The following CDH23 variants were observed in gnomAD, a reference collection of about 807,000 sequenced individuals.
CDH23 encodes the protein cadherin-23.
In CDH23, 189 loss-of-function variants were observed where a neutral mutation model predicts 317.1. That is an observed-to-expected ratio of 0.60 (90% CI 0.53 to 0.67). CDH23 has a LOEUF of 0.67. Ranked by LOEUF, CDH23 falls within the 30% of genes least tolerant of loss-of-function variation. The pLI, the probability that CDH23 is intolerant of heterozygous loss-of-function variation, is 0.00. For missense variants in CDH23, 4,401 were observed against 4,592.4 expected, an observed-to-expected ratio of 0.96 and a Z score of 1.20; for synonymous variants, 1,839 against 1,876.8, an observed-to-expected ratio of 0.98 and a Z score of 0.52.
At chr10:71,740,412 C>T (rs1839702402) in intron 36 of CDH23, among the ~76,000 whole-genome samples, 1 of 151,914 alleles carries the variant, frequency 6.6e-6, no homozygotes, top group African/African-American at 2.4e-5. Flanking sequence ...TGCCAGAGAT[C>T]ATGGGACAGA....
At chr10:71,528,728 C>T (rs1264187589) in intron 6 of CDH23, among the ~76,000 whole-genome samples, 5 of 152,212 alleles carry the variant, frequency 3.3e-5, no homozygotes, top group Non-Finnish European at 1.5e-5. Flanking sequence ...GCCCCCAGAA[C>T]CCTGTTCCCC....
intron 10 of CDH23, among the ~76,000 whole-genome samples, chr10:71,616,907 G>A (rs541806304): frequency 6.6e-6 from 1 of 152,310 alleles, no homozygotes; most frequent in South Asian, 2.1e-4. Flanking sequence ...GATCTGTCTT[G>A]TCCTCCCTAC....
chr10:71,584,767 A>G (rs764402250), intron 9 of CDH23, among the ~76,000 whole-genome samples: 1 of 152,224 alleles, frequency 6.6e-6, no homozygotes, highest in African/African-American at 2.4e-5. Context: ...GTAAAAACTC[A>G]GGAAAAGCAG....
At position 71,677,115 on chromosome 10, in the gene CDH23, T is replaced by A. The variant is rs1227038; in HGVS notation, c.1515-341T>A. On this transcript the variant is annotated intron_variant, in intron 15 of 69. Transcript: ENST00000224721. ...GCATTCTGGTGCAAAACGATCTGGG[T>A]TGGCACACGTTTTTACCCTCACAGT... Among the ~76,000 whole-genome samples the A allele has an allele frequency of 0.94, 143,339 of 152,180 alleles. 67,581 individuals carry two copies. The highest frequency in any genetic ancestry group is 1 in the East Asian group (5,152 of 5,166).
intron 9 of CDH23, among the ~76,000 whole-genome samples, chr10:71,583,111 G>T (rs1314003873): frequency 6.6e-6 from 1 of 152,188 alleles, no homozygotes; most frequent in Non-Finnish European, 1.5e-5. Context: ...ATTGCAGGAG[G>T]AGTAGGAATT....
At chr10:71,398,950 A>G (rs1417207) in intron 1 of CDH23, among the ~76,000 whole-genome samples, 58,480 of 152,002 alleles carry the variant, frequency 0.38, 14,846 homozygotes, top group African/African-American at 0.72. Flanking sequence ...TATACTTCTC[A>G]GACTTGGCCT....
rs772135580 is a variant in CDH23, at chr10:71,570,780, G to A, written c.625-10G>A. On this transcript the variant is annotated splice_polypyrimidine_tract_variant and intron_variant, in intron 7 of 69. Transcript: ENST00000224721. ...CAACCTAAGGCTGTGTGTTCTCTCC[G>A]CTCTCTAAGGATCAAGACAAGACCA... 12 of 1,602,544 alleles carry A rather than the reference G, an allele frequency of 7.5e-6. No homozygotes were observed. The highest frequency in any genetic ancestry group is 4.5e-5 in the South Asian group (4 of 89,080).
At chr10:71,604,706 AC>A (rs1412359528) in intron 9 of CDH23, among the ~76,000 whole-genome samples, 1 of 151,838 alleles carries the variant, frequency 6.6e-6, no homozygotes, top group Admixed American at 6.6e-5. Flanking sequence ...CTCCATACTT[AC>A]CCCAGCCCTG....
rs75034796 is a variant in CDH23 at position 71,528,850 on chromosome 10, G to A, written c.429+17638G>A. ...GCCAAAGCCCCCACATGCTGGGGAT[G>A]GGGGAGGGTCTCTGATGATAGGTCT... is the stretch of plus-strand genomic sequence containing the variant. On this transcript the variant is annotated intron_variant, in intron 6 of 69. Coordinates refer to ENST00000224721, the MANE Select transcript of CDH23 (RefSeq NM_022124.6). Among the ~76,000 whole-genome samples the A allele has an allele frequency of 8.5e-3, 1,302 of 152,340 alleles. 20 individuals are homozygous for A. Among genetic ancestry groups the A allele is most frequent in the African/African-American group, 0.03 (1,246 of 41,576 alleles).
chr10:71,695,553 C>T, intron 22 of CDH23, 28 bp downstream of exon 22: 1 of 1,496,024 alleles, frequency 6.7e-7, no homozygotes, highest in Middle Eastern at 1.7e-4. Context: ...AGCAGAACTG[C>T]CAGGCGGCCC....
At chr10:71,594,326 C>T (rs1188929106) in intron 9 of CDH23, among the ~76,000 whole-genome samples, 1 of 151,454 alleles carries the variant, frequency 6.6e-6, no homozygotes, top group Non-Finnish European at 1.5e-5. Context: ...TTCCTTCCTT[C>T]CTGTTTCTTT....
intron 14 of CDH23, among the ~76,000 whole-genome samples, chr10:71,670,078 C>T (rs1254150852): frequency 1.3e-5 from 2 of 152,206 alleles, no homozygotes; most frequent in Non-Finnish European, 2.9e-5. Flanking sequence ...AGAGGTGTGC[C>T]GGGCATCTTC....
At position 71,803,067 on chromosome 10, in the gene CDH23, C is replaced by G; in HGVS notation, c.7652C>G (p.Pro2551Arg). ...NGELTYSLEGPGVEAFHVDMD... is the reference protein window; with the variant it reads ...NGELTYSLEGRGVEAFHVDMD... The stretch of plus-strand genomic sequence containing the variant: ...GAGTTGACCTACTCACTTGAGGGCC[C>G]TGGCGTGGGTATGTGGCCTTCCTTG... The change falls in exon 54 of 70, where the codon CCT (proline) becomes CGT (arginine). Residue 2551 changes from proline to arginine, a missense_variant. Transcript: ENST00000224721. The G allele has an allele frequency of 6.2e-7, 1 of 1,602,636 alleles. No individual in the cohort carries two copies. The highest frequency in any genetic ancestry group is 8.5e-7 in the Non-Finnish European group (1 of 1,172,750).
chr10:71,709,038 C>T (rs1029405350), intron 26 of CDH23, 60 bp from the exon 27 acceptor site: 16 of 1,506,172 alleles, frequency 1.1e-5, no homozygotes, highest in African/African-American at 1.4e-5. Flanking sequence ...GCAGAGTCCC[C>T]GCTTCCCCTG....
intron 3 of CDH23, among the ~76,000 whole-genome samples, chr10:71,484,381 G>A (rs941743921): frequency 6.6e-6 from 1 of 152,198 alleles, no homozygotes; most frequent in Non-Finnish European, 1.5e-5. Context: ...GGAGGCAGCG[G>A]CAGGAAACTT....
chr10:71,773,546 G>A (rs1319757188), intron 38 of CDH23: 19 of 1,125,506 alleles, frequency 1.7e-5, no homozygotes, highest in African/African-American at 3.3e-5. Flanking sequence ...AGCGCTGCGG[G>A]CGGCCCCAGC....
chr10:71,728,673 C>A (rs1866921225), intron 30 of CDH23, among the ~76,000 whole-genome samples: 1 of 152,228 alleles, frequency 6.6e-6, no homozygotes, highest in African/African-American at 2.4e-5. Flanking sequence ...ATTTGCTTCC[C>A]TCTCTACTTT....
At chr10:71,801,153 T>C (rs1261276459) in intron 53 of CDH23, among the ~76,000 whole-genome samples, 7 of 132,378 alleles carry the variant, frequency 5.3e-5, no homozygotes, top group Admixed American at 7.3e-5. Context: ...TCTCTCTCTT[T>C]TTTTTTTTTT....
At chr10:71,742,156 G>T in intron 38 of CDH23, 1 of 564,730 alleles carries the variant, frequency 1.8e-6, no homozygotes, top group Non-Finnish European at 3.2e-6. Context: ...CTACTCAGAA[G>T]CTCTGTTTAG....
Sources: gnomAD v4.1 joint callset for allele counts (sites outside exome capture counted in the v4.1 genomes callset) on GRCh38, gnomAD v4.1.1 for gene constraint, MANE v1.5 for transcripts, NCBI Gene and HGNC (gene_info 2026-07-23, HGNC 2026-07-21) for gene names.